The following CYTL1 variants were observed in gnomAD, a reference collection of about 807,000 sequenced individuals.
CYTL1 encodes the protein cytokine like 1, also known as cytokine-like protein 1.
CYTL1 carries 17 observed loss-of-function variants against 13.1 expected under a neutral mutation model. The ratio of observed to expected loss-of-function variants is 1.29; its 90% confidence interval spans 0.89 to 1.94. CYTL1 has a LOEUF of 1.94. CYTL1 is among the 30% of genes most tolerant of loss of function. The pLI, the probability that CYTL1 is intolerant of heterozygous loss-of-function variation, is 0.00. For missense variants in CYTL1, 213 were observed against 174.8 expected (o/e 1.22, Z -1.23); for synonymous variants, 91 against 79.4 (o/e 1.15, Z -0.78).
chr4:5,015,122 C>G lies in CYTL1; in HGVS notation c.*29G>C. On this transcript the variant is annotated 3_prime_UTR_variant, in exon 4 of 4. Transcript: ENST00000307746. ...GGGTAGCTGACATAACTGTAGTTCT[C>G]TTGGGTTCTTTCTCTGGTCTCAGTT... The G allele has an allele frequency of 6.2e-7, 1 of 1,600,396 alleles. No individual in the cohort carries two copies. The highest frequency in any genetic ancestry group is 2.2e-5 in the East Asian group (1 of 44,830).
intron 1 of CYTL1, 145 bp from the exon 2 acceptor site, chr4:5,017,324 G>A (rs1365389438): frequency 2.3e-5 from 15 of 656,572 alleles, no homozygotes; most frequent in Non-Finnish European, 3.8e-5. Context: ...ACTTTCTTGT[G>A]TCATACGTCA....
chr4:5,017,617 TATA>T (rs1741102356), intron 1 of CYTL1, among the ~76,000 whole-genome samples: 4 of 150,222 alleles, frequency 2.7e-5, no homozygotes, highest in Admixed American at 6.7e-5. Flanking sequence ...TAGTAACTTA[TATA>T]ATAATATACT....
At chr4:5,017,973 T>C (rs1327471384) in intron 1 of CYTL1, among the ~76,000 whole-genome samples, 1 of 152,228 alleles carries the variant, frequency 6.6e-6, no homozygotes, top group Non-Finnish European at 1.5e-5. Flanking sequence ...ATGCATAATC[T>C]TTCCACTTTC....
rs138259359 is a variant in CYTL1 at position 5,016,873 on chromosome 4, C to T, written c.290G>A (p.Arg97Gln). ...CGAGTTCATGATGGTGTACAGCTTC[C>T]GTGCTTTGTCCTTCAAGGAATCTAC... ...AQVDSLKDKA[R>Q]KLYTIMNSFC... The change falls in exon 3 of 4, where the codon CGG becomes CAG. Residue 97 changes from arginine (R) to glutamine (Q), a missense_variant. Arg to Gln is a conservative substitution (Grantham distance 43). Coordinates refer to ENST00000307746, the MANE Select transcript of CYTL1 (RefSeq NM_018659.3). 144 of 1,614,072 alleles carry T rather than the reference C, an allele frequency of 8.9e-5. No homozygotes were observed. In the South Asian group the frequency reaches 1.1e-3, roughly 13 times the overall value.
intron 1 of CYTL1, among the ~76,000 whole-genome samples, chr4:5,018,935 C>G (rs1198847654): frequency 6.6e-6 from 1 of 151,890 alleles, no homozygotes; most frequent in Non-Finnish European, 1.5e-5. Context: ...TTCATTCCTC[C>G]GTCCTCCTTA....
chr4:5,017,164 A>G lies in CYTL1; in HGVS notation c.169T>C (p.Tyr57His), dbSNP rs749631832. ...ATGTCCAGGTACAGCCTGGGCAGGT[A>G]TCTCACACATGGCTCCTGTGGAAAG... The part of the protein sequence containing the change: ...VSEPSEPCVR[Y>H]LPRLYLDIHN... Residue 57 changes from tyrosine to histidine, a missense_variant, in exon 2 of 4, where the codon TAC becomes CAC. Physicochemically the swap from Tyr to His is moderately conservative, Grantham distance 83. Coordinates refer to ENST00000307746, the MANE Select transcript of CYTL1 (RefSeq NM_018659.3). 3.7e-6 allele frequency: 6 copies of G among 1,614,008 alleles called. No homozygotes were observed. Among genetic ancestry groups the G allele is most frequent in the South Asian group, 2.2e-5 (2 of 91,072 alleles).
intron 2 of CYTL1, 37 bp from the exon 3 acceptor site, chr4:5,017,001 A>G: frequency 6.2e-7 from 1 of 1,613,770 alleles, no homozygotes. Context: ...TTGTGGGAGA[A>G]GTCAGTAGCA....
chr4:5,017,232 C>T (rs1741095192), intron 1 of CYTL1, 53 bp from the exon 2 acceptor site: 4 of 1,580,602 alleles, frequency 2.5e-6, no homozygotes, highest in Non-Finnish European at 2.6e-6. Context: ...TACCTGGTCA[C>T]AAAAGTCTCC....
Position 5,015,208 on chromosome 4 carries a change from GC to G in CYTL1, c.353del (p.Cys118SerfsTer10). Reference protein sequence around the residue: ...RRDLVFLLDDCNALEYPIPVT... With the variant: ...RRDLVFLLDDXNALEYPIPVT... ...CTGGGATTGGGTATTCCAAGGCATT[GC>G]AGTCATCCAACAGGAATACCAAATC... On this transcript the variant is annotated frameshift_variant, in exon 4 of 4. Transcript: ENST00000307746. LOFTEE classifies it low-confidence loss of function (END_TRUNC). 6.2e-7 allele frequency: 1 copy of G among 1,613,766 alleles called. No individual in the cohort carries two copies. Among genetic ancestry groups the G allele is most frequent in the Non-Finnish European group, 8.5e-7 (1 of 1,179,858 alleles).
At chr4:5,016,989 G>A in intron 2 of CYTL1, 25 bp from the exon 3 acceptor site, 4 of 1,613,962 alleles carry the variant, frequency 2.5e-6, no homozygotes, top group Non-Finnish European at 3.4e-6. Context: ...TGGGGAGGGG[G>A]CTTGTGGGAG....
chr4:5,017,072 G>A, intron 2 of CYTL1, 63 bp downstream of exon 2: 2 of 1,605,556 alleles, frequency 1.2e-6, no homozygotes, highest in Non-Finnish European at 1.7e-6. Flanking sequence ...ACAGCCAGCA[G>A]CAGAGGTTCA....
Position 5,019,421 on chromosome 4 carries a change from C to G in CYTL1, c.25G>C (p.Val9Leu). 1 of 1,479,600 alleles carries G rather than the reference C, an allele frequency of 6.8e-7. No individual in the cohort carries two copies. The highest frequency in any genetic ancestry group is 8.9e-7 in the Non-Finnish European group (1 of 1,123,038). The allele number at this position is 1,479,600 out of a possible 1,614,324, so 91.7% of individuals were successfully genotyped here. A position where few individuals can be genotyped will look rare whatever the true frequency, so the allele number is the denominator to read the frequency against. MRTPGPLPVLLLLLAGAPA... is the reference protein window; with the variant it reads MRTPGPLPLLLLLLAGAPA... Reference sequence around the variant, plus strand: ...GCTCCCGCCAGGAGCAGCAGCAGCACGGGCAGAGGCCCAGGCGTCCTCATG... The same window carrying G: ...GCTCCCGCCAGGAGCAGCAGCAGCAGGGGCAGAGGCCCAGGCGTCCTCATG... The change falls in exon 1 of 4, where the codon GTG (valine) becomes CTG (leucine). Residue 9 changes from valine (V) to leucine (L), a missense_variant. Val to Leu is a conservative substitution (Grantham distance 32). Coordinates refer to ENST00000307746, the MANE Select transcript of CYTL1 (RefSeq NM_018659.3).
rs749095047 is a variant in CYTL1, at chr4:5,019,316, G to A, written c.130C>T (p.Leu44Phe). ...LSQEITRDFN[L>F]LQVSEPSEPC... ...ACCGAGGGCTCCGAGACCTGCAGGA[G>A]GTTGAAGTCGCGGGTGATCTCCTGG... Residue 44 changes from leucine to phenylalanine, a missense_variant, in exon 1 of 4, where the codon CTC (leucine) becomes TTC (phenylalanine). By Grantham distance (22) the Leu-to-Phe change is conservative. Coordinates refer to ENST00000307746, the MANE Select transcript of CYTL1 (RefSeq NM_018659.3). The A allele has an allele frequency of 3.3e-6, 5 of 1,511,396 alleles. No individual in the cohort carries two copies. The highest frequency in any genetic ancestry group is 1.3e-5 in the South Asian group (1 of 77,590). 93.6% of individuals were successfully genotyped at this position (1,511,396 alleles called of 1,614,324 possible).
chr4:5,016,526 C>T (rs1315733018), intron 3 of CYTL1, among the ~76,000 whole-genome samples: 5 of 152,186 alleles, frequency 3.3e-5, no homozygotes, highest in Non-Finnish European at 7.3e-5. Context: ...CCTGAACCTC[C>T]TCCTGCAGAG....
rs1741028813 is a variant in CYTL1 at position 5,014,603 on chromosome 4, T to C, written c.*548A>G. On this transcript the variant is annotated 3_prime_UTR_variant, in exon 4 of 4. Coordinates refer to ENST00000307746, the MANE Select transcript of CYTL1 (RefSeq NM_018659.3). ...GACACGTGTTTCTCATGTGAAGAGA[T>C]TCTTTATTTGATTTTCATCACCTTT... 6.4e-6 allele frequency: 1 copy of C among 157,332 alleles called. No homozygotes were observed. The highest frequency in any genetic ancestry group is 1.4e-5 in the Non-Finnish European group (1 of 72,054). The allele number at this position is 157,332 out of a possible 1,614,324, so 9.7% of individuals were successfully genotyped here.
At chr4:5,016,123 T>C (rs112984080) in intron 3 of CYTL1, among the ~76,000 whole-genome samples, 56 of 152,292 alleles carry the variant, frequency 3.7e-4, no homozygotes, top group African/African-American at 1.3e-3. Context: ...GGGTTGCTTA[T>C]TGCAGGGGTG....
chr4:5,017,092 C>A, intron 2 of CYTL1, 43 bp downstream of exon 2: 1 of 1,608,884 alleles, frequency 6.2e-7, no homozygotes, highest in South Asian at 1.1e-5. Context: ...AGACCTGAGT[C>A]CCTCAGCCCA....
Position 5,014,919 on chromosome 4 carries a change from C to G in CYTL1, c.*232G>C, listed in dbSNP as rs370824359. 8 of 522,200 alleles carry G rather than the reference C, an allele frequency of 1.5e-5. No individual in the cohort carries two copies. In the East Asian group the frequency reaches 2.4e-4, roughly 15 times the overall value. The allele number at this position is 522,200 out of a possible 1,614,324, so 32.3% of individuals were successfully genotyped here. A position where few individuals can be genotyped will look rare whatever the true frequency, so the allele number is the denominator to read the frequency against. ...CCAAATCAACATGCTGTGTATCTAA[C>G]CATCCTGGCAAGACATGAGTCAAGG... On this transcript the variant is annotated 3_prime_UTR_variant, in exon 4 of 4. Coordinates refer to ENST00000307746, the MANE Select transcript of CYTL1 (RefSeq NM_018659.3).
At position 5,014,916 on chromosome 4, in the gene CYTL1, T is replaced by C. The variant is rs1232190146; in HGVS notation, c.*235A>G. ...TGACCAAATCAACATGCTGTGTATC[T>C]AACCATCCTGGCAAGACATGAGTCA... On this transcript the variant is annotated 3_prime_UTR_variant, in exon 4 of 4. Transcript: ENST00000307746. 3 of 521,178 alleles carry C rather than the reference T, an allele frequency of 5.8e-6. No homozygotes were observed. The highest frequency in any genetic ancestry group is 3.5e-5 in the Admixed American group (1 of 28,792). The allele number at this position is 521,178 out of a possible 1,614,324, so 32.3% of individuals were successfully genotyped here.
Sources: gnomAD v4.1 joint callset for allele counts (sites outside exome capture counted in the v4.1 genomes callset) on GRCh38, gnomAD v4.1.1 for gene constraint, MANE v1.5 for transcripts, NCBI Gene and HGNC (gene_info 2026-07-23, HGNC 2026-07-21) for gene names.